The following TCF20 variants were observed in gnomAD, a reference collection of about 807,000 sequenced individuals.
The protein encoded by TCF20 is SPRE-binding protein.
Under a neutral mutation model 148.6 loss-of-function variants are expected in TCF20, and 3 were observed. The observed-to-expected ratio is 0.02, with a 90% CI of 0.01 to 0.05. The LOEUF (loss-of-function observed/expected upper bound fraction) is 0.05. Among genes scored for constraint, TCF20 ranks in the 10% least tolerant of loss-of-function variants. The pLI is 1.00. For missense variants in TCF20, 2,350 were observed against 2,429.3 expected, an observed-to-expected ratio of 0.97 and a Z score of 0.69; for synonymous variants, 1,049 against 909.5, an observed-to-expected ratio of 1.15 and a Z score of -2.76.
Position 42,221,844 on chromosome 22 carries a change from T to C in TCF20, c.-36-6503A>G, listed in dbSNP as rs551448722. Among the ~76,000 whole-genome samples, 160 of 143,742 alleles carry C rather than the reference T, an allele frequency of 1.1e-3. 2 individuals carry two copies. The highest frequency in any genetic ancestry group is 3.6e-3 in the African/African-American group (141 of 38,874). The allele number at this position is 143,742 out of a possible 152,430, so 94.3% of individuals were successfully genotyped here. A position where few individuals can be genotyped will look rare whatever the true frequency, so the allele number is the denominator to read the frequency against. ...AGCTCCGCCTCCCGGGTTCACGTCA[T>C]TCTCCTGCCTCAGCCTCCCAAGTAG... is the stretch of plus-strand genomic sequence containing the variant. On this transcript the variant is annotated intron_variant, in intron 1 of 5. Coordinates refer to ENST00000677622, the MANE Select transcript of TCF20 (RefSeq NM_001378418.1).
At chr22:42,280,316 G>A (rs1292550668) in intron 1 of TCF20, among the ~76,000 whole-genome samples, 3 of 152,096 alleles carry the variant, frequency 2.0e-5, no homozygotes, top group South Asian at 2.1e-4. Context: ...CCCACGGTGT[G>A]TAGGTGACTC....
chr22:42,170,335 TAAAAA>T (rs71803379), intron 3 of TCF20, among the ~76,000 whole-genome samples: 1 of 139,250 alleles, frequency 7.2e-6, no homozygotes. Flanking sequence ...CTGTCACTAT[TAAAAA>T]AAAAAAAAAA....
intron 1 of TCF20, among the ~76,000 whole-genome samples, chr22:42,335,381 T>C (rs1178170591): frequency 6.6e-6 from 1 of 152,052 alleles, no homozygotes; most frequent in Non-Finnish European, 1.5e-5. Context: ...CCAGCCACGT[T>C]TTCACCTGTT....
At chr22:42,301,570 T>C (rs1342352526) in intron 1 of TCF20, among the ~76,000 whole-genome samples, 1 of 152,034 alleles carries the variant, frequency 6.6e-6, no homozygotes, top group East Asian at 1.9e-4. Context: ...TAAGTCAAAG[T>C]GATTCGACAG....
At chr22:42,179,875 G>A (rs1289948122) in intron 2 of TCF20, among the ~76,000 whole-genome samples, 173 bp from the exon 3 acceptor site, 1 of 152,156 alleles carries the variant, frequency 6.6e-6, no homozygotes, top group Non-Finnish European at 1.5e-5. Flanking sequence ...CCACACCATG[G>A]GAAGGGATCC....
chr22:42,227,599 A>G (rs1923030333), intron 1 of TCF20, among the ~76,000 whole-genome samples: 1 of 152,146 alleles, frequency 6.6e-6, no homozygotes, highest in South Asian at 2.1e-4. Context: ...CTGTCCCAAC[A>G]ATGTCTTTCC....
At chr22:42,254,076 CAA>C (rs528387021) in intron 1 of TCF20, among the ~76,000 whole-genome samples, 14 of 53,586 alleles carry the variant, frequency 2.6e-4, no homozygotes, top group South Asian at 8.3e-4. Context: ...AACTCCCTTT[CAA>C]AAAAAAAAAA....
chr22:42,189,967 A>G (rs1281788236), intron 2 of TCF20, among the ~76,000 whole-genome samples: 9 of 152,250 alleles, frequency 5.9e-5, no homozygotes, highest in Non-Finnish European at 1.2e-4. Context: ...GGAGCTGTCC[A>G]CTGAAGCTGC....
At chr22:42,327,020 C>T (rs188451741) in intron 1 of TCF20, among the ~76,000 whole-genome samples, 28 of 152,328 alleles carry the variant, frequency 1.8e-4, no homozygotes, top group Middle Eastern at 6.8e-3. Context: ...AGAAGAGGAA[C>T]GATCACGTAT....
At chr22:42,305,546 G>A (rs1037231674) in intron 1 of TCF20, among the ~76,000 whole-genome samples, 1 of 152,144 alleles carries the variant, frequency 6.6e-6, no homozygotes, top group Non-Finnish European at 1.5e-5. Flanking sequence ...GTTATCTCCC[G>A]AACAGCTGCT....
At chr22:42,343,345 C>T (rs977539784) in intron 1 of TCF20, 2 of 152,170 alleles carry the variant, frequency 1.3e-5, no homozygotes, top group African/African-American at 4.8e-5. Flanking sequence ...ACCCCCGCGT[C>T]CTCGCCACCT....
At position 42,333,452 on chromosome 22, in the gene TCF20, C is replaced by A. The variant is rs118011760; in HGVS notation, c.-37+10027G>T. Among the ~76,000 whole-genome samples, 998 of 152,320 alleles carry A rather than the reference C, an allele frequency of 6.6e-3. 7 individuals carry two copies. Among genetic ancestry groups the A allele is most frequent in the Non-Finnish European group, 8.2e-3 (555 of 68,030 alleles). On this transcript the variant is annotated intron_variant, in intron 1 of 1. Transcript: ENST00000515426. ...GAGGACGGTGCACCAGGGCTGTGCACAAGCCTGGCTGACAGCCACTGCACC... is the reference window on the plus strand; with the variant it reads ...GAGGACGGTGCACCAGGGCTGTGCAAAAGCCTGGCTGACAGCCACTGCACC...
intron 3 of TCF20, among the ~76,000 whole-genome samples, chr22:42,173,937 C>A (rs963457275): frequency 6.6e-6 from 1 of 152,292 alleles, no homozygotes; most frequent in Non-Finnish European, 1.5e-5. Flanking sequence ...AATAGAGATG[C>A]TACCAGCTTA....
At chr22:42,309,799 G>A (rs1046417586) in intron 1 of TCF20, among the ~76,000 whole-genome samples, 5 of 152,182 alleles carry the variant, frequency 3.3e-5, no homozygotes, top group African/African-American at 1.2e-4. Context: ...TGCTGTCCTC[G>A]TCTGCAGAAT....
At chr22:42,235,509 T>C (rs953589753) in intron 1 of TCF20, among the ~76,000 whole-genome samples, 1 of 152,164 alleles carries the variant, frequency 6.6e-6, no homozygotes. Context: ...AAGAAAAACA[T>C]GTTTAGAAAA....
intron 5 of TCF20, among the ~76,000 whole-genome samples, chr22:42,166,359 G>T (rs1349094901): frequency 1.3e-5 from 2 of 152,210 alleles, no homozygotes; most frequent in Non-Finnish European, 2.9e-5. Context: ...TGTAATCCCG[G>T]CACTTTGAGA....
chr22:42,276,998 G>A (rs917597167), intron 1 of TCF20: 1 of 152,100 alleles, frequency 6.6e-6, no homozygotes, highest in African/African-American at 2.4e-5. Flanking sequence ...GGTCCTGAGC[G>A]GCTTCACCAT....
At chr22:42,228,094 G>A (rs1177467222) in intron 1 of TCF20, among the ~76,000 whole-genome samples, 1 of 152,204 alleles carries the variant, frequency 6.6e-6, no homozygotes, top group East Asian at 1.9e-4. Flanking sequence ...CTATAGAGTG[G>A]CATGATCTGG....
chr22:42,266,501 A>C (rs1450058365), intron 1 of TCF20, among the ~76,000 whole-genome samples: 1 of 152,216 alleles, frequency 6.6e-6, no homozygotes, highest in Non-Finnish European at 1.5e-5. Flanking sequence ...GCAGTGGCTC[A>C]TATCTGTAAC....
Sources: allele counts gnomAD v4.1 joint callset (sites outside exome capture counted in the v4.1 genomes callset), GRCh38; gene constraint gnomAD v4.1.1; transcripts MANE v1.5; gene names NCBI Gene and HGNC (gene_info 2026-07-23, HGNC 2026-07-21).